The following SIAE variants were observed in gnomAD, a reference collection of about 807,000 sequenced individuals.
The protein encoded by SIAE is sialate O-acetylesterase.
In SIAE, 39 loss-of-function variants were observed where a neutral mutation model predicts 52.6. The ratio of observed to expected loss-of-function variants is 0.74; its 90% CI spans 0.57 to 0.97. The LOEUF is 0.97. Ranked by LOEUF, SIAE falls within the 50% of genes least tolerant of loss-of-function variation. The pLI, the probability that SIAE is intolerant of heterozygous loss-of-function variation, is 0.00. For synonymous variants in SIAE, 233 were observed against 241.4 expected (o/e 0.97, Z 0.32); for missense variants, 592 against 662.1 (o/e 0.89, Z 1.16).
intron 4 of SIAE, among the ~76,000 whole-genome samples, chr11:124,651,547 CAAA>C (rs35688416): frequency 9.8e-4 from 80 of 81,634 alleles, no homozygotes; most frequent in Middle Eastern, 7.2e-3. Context: ...GACTCCGTCT[CAAA>C]AAAAAAAAAA....
At chr11:124,672,837 C>G (rs1943387435) in intron 1 of SIAE, among the ~76,000 whole-genome samples, 1 of 152,116 alleles carries the variant, frequency 6.6e-6, no homozygotes, top group African/African-American at 2.4e-5. Flanking sequence ...GTTCTCCTAC[C>G]CCAACTATCA....
intron 8 of SIAE, among the ~76,000 whole-genome samples, chr11:124,639,449 T>TA (rs1942806809): frequency 6.6e-6 from 1 of 152,228 alleles, no homozygotes; most frequent in Non-Finnish European, 1.5e-5. Flanking sequence ...GAGCCTCTAT[T>TA]GCTCTGGGTC....
At chr11:124,661,271 C>T (rs1401668353) in intron 2 of SIAE, among the ~76,000 whole-genome samples, 1 of 152,174 alleles carries the variant, frequency 6.6e-6, no homozygotes, top group Non-Finnish European at 1.5e-5. Flanking sequence ...CAGTATCACC[C>T]TTGCCTTCAC....
At chr11:124,656,386 G>C (rs1190910002) in intron 3 of SIAE, among the ~76,000 whole-genome samples, 2 of 152,194 alleles carry the variant, frequency 1.3e-5, no homozygotes. Flanking sequence ...AGCAAGAGAG[G>C]CATGGAGACT....
intron 2 of SIAE, among the ~76,000 whole-genome samples, chr11:124,661,408 C>G (rs2134383504): frequency 6.6e-6 from 1 of 152,270 alleles, no homozygotes; most frequent in Non-Finnish European, 1.5e-5. Flanking sequence ...AAATTAATCT[C>G]TCTGTGAAAA....
rs919625359 is a variant in SIAE, at chr11:124,654,165, G to T, written c.544+490C>A. ...TGCATTCCAGCCTGAGCGACAGACT[G>T]AGACTCCGTCTCAAAAAAAAGAAAA... On this transcript the variant is annotated intron_variant, in intron 4 of 9. Coordinates refer to ENST00000263593, the MANE Select transcript of SIAE (RefSeq NM_170601.5). 5 of 946,382 alleles carry T rather than the reference G, an allele frequency of 5.3e-6. No individual in the cohort carries two copies. The African/African-American group carries it at 8.9e-5, about 17-fold the overall frequency. 58.6% of individuals were successfully genotyped at this position (946,382 alleles called of 1,614,324 possible). A position where few individuals can be genotyped will look rare whatever the true frequency, so the allele number is the denominator to read the frequency against.
In SIAE at chr11:124,633,844, C is replaced by G. The variant is rs941428311; in HGVS notation, c.*3107G>C. 2 of 151,988 alleles carry G rather than the reference C, an allele frequency of 1.3e-5. No homozygotes were observed. The highest frequency in any genetic ancestry group is 2.9e-5 in the Non-Finnish European group (2 of 68,012). The allele number at this position is 151,988 out of a possible 1,614,324, so 9.4% of individuals were successfully genotyped here. ...CTTTTATCATATAACAAATATTTTC[C>G]CACTATTACAGCCTGAGTAATACCC... On this transcript the variant is annotated 3_prime_UTR_variant, in exon 10 of 10. Coordinates refer to ENST00000263593, the MANE Select transcript of SIAE (RefSeq NM_170601.5).
At chr11:124,660,163 G>C in intron 3 of SIAE, 1 of 217,052 alleles carries the variant, frequency 4.6e-6, no homozygotes, top group Non-Finnish European at 9.2e-6. Flanking sequence ...AGTGGCAGAT[G>C]CCTGTAATCC....
In SIAE at chr11:124,638,756, G is replaced by T. The variant is rs1357915784; in HGVS notation, c.1125-19C>A. 1 of 1,609,786 alleles carries T rather than the reference G, an allele frequency of 6.2e-7. No individual in the cohort carries two copies. Among genetic ancestry groups the T allele is most frequent in the Admixed American group, 1.7e-5 (1 of 59,974 alleles). On this transcript the variant is annotated intron_variant, in intron 8 of 9. Coordinates refer to ENST00000263593, the MANE Select transcript of SIAE (RefSeq NM_170601.5). ...GTGGATGCTACAGGATAAGGAACAA[G>T]TAGAGAACTTTGGGTTTAAGCTCAA...
At chr11:124,646,707 A>T (rs1369331527) in intron 7 of SIAE, among the ~76,000 whole-genome samples, 1 of 152,252 alleles carries the variant, frequency 6.6e-6, no homozygotes, top group Non-Finnish European at 1.5e-5. Flanking sequence ...CTTTTGAACC[A>T]GAAATTTCAT....
At chr11:124,674,013 C>T, upstream of SIAE, 1 of 414,458 alleles carries the variant, frequency 2.4e-6, no homozygotes, top group Non-Finnish European at 4.4e-6. Context: ...CTTCGTCTCT[C>T]TTATTCTCTC....
chr11:124,647,708 A>C (rs1942960818), intron 6 of SIAE, among the ~76,000 whole-genome samples: 1 of 152,116 alleles, frequency 6.6e-6, no homozygotes, highest in Non-Finnish European at 1.5e-5. Context: ...TCTCCTGATG[A>C]CCCTGGAATC....
intron 8 of SIAE, among the ~76,000 whole-genome samples, chr11:124,639,110 T>TC (rs912344384): frequency 1.6e-4 from 24 of 152,186 alleles, no homozygotes; most frequent in African/African-American, 5.6e-4. Context: ...CATTATTTGG[T>TC]CCCCTAGAGC....
chr11:124,666,718 A>G (rs1308151557), intron 2 of SIAE, among the ~76,000 whole-genome samples: 2 of 152,242 alleles, frequency 1.3e-5, no homozygotes, highest in African/African-American at 2.4e-5. Flanking sequence ...CTAAATGTGT[A>G]AGGATGGAAT....
intron 7 of SIAE, 102 bp from the exon 8 acceptor site, chr11:124,639,969 G>T: frequency 7.4e-7 from 1 of 1,351,626 alleles, no homozygotes; most frequent in Non-Finnish European, 1.0e-6. Context: ...GCATTTAAAT[G>T]CTCATTCAAC....
At chr11:124,662,060 A>G (rs1943193699) in intron 2 of SIAE, among the ~76,000 whole-genome samples, 1 of 152,238 alleles carries the variant, frequency 6.6e-6, no homozygotes, top group Admixed American at 6.5e-5. Flanking sequence ...CCAAGACATC[A>G]GAGGAAGGGT....
At chr11:124,673,854 T>A, upstream of SIAE, 1 of 716,636 alleles carries the variant, frequency 1.4e-6, no homozygotes, top group East Asian at 3.1e-5. Flanking sequence ...TCGCCCCTTC[T>A]CGGCCGCCGT....
intron 2 of SIAE, among the ~76,000 whole-genome samples, chr11:124,663,443 C>T (rs942777081): frequency 7.2e-5 from 11 of 151,910 alleles, no homozygotes; most frequent in East Asian, 5.8e-4. Context: ...GGCATGGTGG[C>T]GGCACCCGTA....
Position 124,673,724 on chromosome 11 carries a change from A to C in SIAE, c.-16T>G. ...GCGCGACCATGCTTGCAAGGATCTG[A>C]CCGCCGCCTAGGACTGGGAAAGTGG... On this transcript the variant is annotated 5_prime_UTR_variant, in exon 1 of 10. Transcript: ENST00000263593. 6.2e-7 allele frequency: 1 copy of C among 1,612,484 alleles called. No individual in the cohort carries two copies. The highest frequency in any genetic ancestry group is 8.5e-7 in the Non-Finnish European group (1 of 1,179,406).
Sources: allele counts gnomAD v4.1 joint callset (sites outside exome capture counted in the v4.1 genomes callset), GRCh38; gene constraint gnomAD v4.1.1; transcripts MANE v1.5; gene names NCBI Gene and HGNC (gene_info 2026-07-23, HGNC 2026-07-21).